PRTFDC1: variants seen among roughly 807,000 people sequenced by gnomAD.
PRTFDC1 encodes the protein phosphoribosyl transferase domain containing 1, also known as phosphoribosyltransferase domain-containing protein 1.
PRTFDC1 carries 38 observed loss-of-function variants against 34.6 expected under a neutral mutation model. The observed-to-expected ratio is 1.10, with a 90% CI of 0.85 to 1.44. The LOEUF (loss-of-function observed/expected upper bound fraction) is 1.44. PRTFDC1 is among the 40% of genes most tolerant of loss of function. PRTFDC1 has a pLI of 0.00. For synonymous variants in PRTFDC1, 93 were observed against 98.1 expected, an observed-to-expected ratio of 0.95 and a Z score of 0.31; for missense variants, 270 against 283.0, an observed-to-expected ratio of 0.95 and a Z score of 0.33.
chr10:24,882,273 C>T (rs1349775516), intron 3 of PRTFDC1, among the ~76,000 whole-genome samples: 1 of 151,430 alleles, frequency 6.6e-6, no homozygotes, highest in Non-Finnish European at 1.5e-5. Context: ...AGGAGATTTT[C>T]CTGGACTCCC....
chr10:24,871,104 T>C (rs1847861475), intron 4 of PRTFDC1, among the ~76,000 whole-genome samples: 1 of 150,156 alleles, frequency 6.7e-6, no homozygotes, highest in South Asian at 2.1e-4. Context: ...CTTGTGGCTC[T>C]ATAGCCATCC....
intron 3 of PRTFDC1, among the ~76,000 whole-genome samples, chr10:24,930,343 A>G (rs1848951581): frequency 6.6e-6 from 1 of 152,238 alleles, no homozygotes; most frequent in African/African-American, 2.4e-5. Flanking sequence ...ATAGTTTTCC[A>G]TAATTTACAG....
chr10:24,881,051 CTTTT>C (rs761086490), intron 3 of PRTFDC1, among the ~76,000 whole-genome samples: 2 of 117,828 alleles, frequency 1.7e-5, no homozygotes, highest in Non-Finnish European at 3.4e-5. Context: ...TTCTTTCTTT[CTTTT>C]CTTTCCTTCC....
chr10:24,888,752 G>T (rs1175159465), intron 3 of PRTFDC1, among the ~76,000 whole-genome samples: 1 of 152,130 alleles, frequency 6.6e-6, no homozygotes, highest in Non-Finnish European at 1.5e-5. Context: ...GTACCCTTAG[G>T]TCTTGGTAAG....
chr10:24,864,779 A>G (rs781448959), intron 4 of PRTFDC1, among the ~76,000 whole-genome samples: 1 of 152,182 alleles, frequency 6.6e-6, no homozygotes, highest in Admixed American at 6.5e-5. Context: ...AGATTAGCTC[A>G]AAGAGCTAAG....
intron 1 of PRTFDC1, among the ~76,000 whole-genome samples, chr10:24,947,013 G>C (rs998858829): frequency 2.6e-5 from 4 of 152,176 alleles, no homozygotes; most frequent in African/African-American, 9.7e-5. Flanking sequence ...GATGGCGTGT[G>C]CCTGTAGTTT....
At chr10:24,879,479 G>A (rs967558800) in intron 3 of PRTFDC1, among the ~76,000 whole-genome samples, 1 of 152,104 alleles carries the variant, frequency 6.6e-6, no homozygotes, top group African/African-American at 2.4e-5. Context: ...AAGTAACTGG[G>A]ATTACAGGTG....
intron 3 of PRTFDC1, among the ~76,000 whole-genome samples, chr10:24,929,052 A>AAAAAAAGAAAGAAAG (rs1554765607): frequency 8.6e-6 from 1 of 116,538 alleles, no homozygotes; most frequent in Admixed American, 9.2e-5. Flanking sequence ...AAAAAAAAAA[A>AAAAAAAGAAAGAAAG]AAAGAAAGAA....
At chr10:24,910,770 G>A (rs78876227) in intron 3 of PRTFDC1, among the ~76,000 whole-genome samples, 24 of 152,194 alleles carry the variant, frequency 1.6e-4, no homozygotes, top group African/African-American at 5.1e-4. Flanking sequence ...TACAAAAATA[G>A]TGATTACTCA....
At chr10:24,920,253 A>C (rs1848765374) in intron 3 of PRTFDC1, among the ~76,000 whole-genome samples, 1 of 152,048 alleles carries the variant, frequency 6.6e-6, no homozygotes, top group South Asian at 2.1e-4. Flanking sequence ...TAGACTGGAT[A>C]AATAAAATGT....
chr10:24,937,555 CTTT>C (rs35562409), intron 2 of PRTFDC1, among the ~76,000 whole-genome samples, 188 bp from the exon 3 acceptor site: 1 of 138,998 alleles, frequency 7.2e-6, no homozygotes, highest in Non-Finnish European at 1.6e-5. Context: ...AAACATACTG[CTTT>C]TTTTTTTTTT....
At position 24,865,331 on chromosome 10, in the gene PRTFDC1, A is replaced by C. The variant is rs140515026; in HGVS notation, c.405+6667T>G. On this transcript the variant is annotated intron_variant, in intron 4 of 8. Transcript: ENST00000320152. ...CTATTATCAATGTCTATTGCTTTTAATTTTGCACTAAGCAATTTCCTAAAA... is the reference window on the plus strand; with the variant it reads ...CTATTATCAATGTCTATTGCTTTTACTTTTGCACTAAGCAATTTCCTAAAA... Among the ~76,000 whole-genome samples, 29 of 152,204 alleles carry C rather than the reference A, an allele frequency of 1.9e-4. No homozygotes were observed. The East Asian group carries it at 4.6e-3, about 24-fold the overall frequency.
At chr10:24,877,616 T>C (rs1181362959) in intron 3 of PRTFDC1, among the ~76,000 whole-genome samples, 1 of 152,088 alleles carries the variant, frequency 6.6e-6, no homozygotes, top group Non-Finnish European at 1.5e-5. Context: ...AGCTCAGAAA[T>C]AGTTTCATTT....
intron 6 of PRTFDC1, among the ~76,000 whole-genome samples, chr10:24,856,238 C>CAGCTT (rs768522113): frequency 1.3e-5 from 2 of 151,362 alleles, no homozygotes; most frequent in Non-Finnish European, 2.9e-5. Context: ...TACTGCCCTC[C>CAGCTT]AGCTTGGGCT....
At position 24,871,985 on chromosome 10, in the gene PRTFDC1, T is replaced by C; in HGVS notation, c.405+13A>G. The C allele has an allele frequency of 1.9e-6, 3 of 1,600,802 alleles. No homozygotes were observed. The highest frequency in any genetic ancestry group is 2.6e-6 in the Non-Finnish European group (3 of 1,168,134). On this transcript the variant is annotated intron_variant, in intron 4 of 8. Coordinates refer to ENST00000320152, the MANE Select transcript of PRTFDC1 (RefSeq NM_020200.7). The stretch of plus-strand genomic sequence containing the variant: ...GACCTCAATGCGGTCTGAGCACAGT[T>C]ACATGAACAAACCTTTCCAGCCAGC...
chr10:24,895,948 TC>T (rs937953815), intron 3 of PRTFDC1, among the ~76,000 whole-genome samples: 8 of 151,438 alleles, frequency 5.3e-5, no homozygotes, highest in African/African-American at 1.2e-4. Context: ...TAAAACTAGT[TC>T]CCCCCCTTCT....
chr10:24,851,063 T>C (rs1165142028), intron 8 of PRTFDC1, among the ~76,000 whole-genome samples: 2 of 152,210 alleles, frequency 1.3e-5, no homozygotes, highest in African/African-American at 4.8e-5. Flanking sequence ...CAAACCAGTG[T>C]ATAGAATATT....
intron 3 of PRTFDC1, among the ~76,000 whole-genome samples, chr10:24,876,942 T>A (rs541946046): frequency 3.1e-4 from 47 of 152,004 alleles, no homozygotes; most frequent in African/African-American, 1.1e-3. Flanking sequence ...ATAAGCCTTT[T>A]ATTTCCCACT....
intron 3 of PRTFDC1, among the ~76,000 whole-genome samples, chr10:24,879,281 T>C (rs149226991): frequency 0.012 from 1,890 of 152,204 alleles, 13 homozygotes; most frequent in Middle Eastern, 0.034. Context: ...CCAGGGTCAG[T>C]GAAGCTCTCG....
Sources: gnomAD v4.1 joint callset for allele counts (sites outside exome capture counted in the v4.1 genomes callset) on GRCh38, gnomAD v4.1.1 for gene constraint, MANE v1.5 for transcripts, NCBI Gene and HGNC (gene_info 2026-07-23, HGNC 2026-07-21) for gene names.